TPP2: variants seen among roughly 807,000 people sequenced by gnomAD.
The protein encoded by TPP2 is tripeptidyl-peptidase 2.
A neutral mutation model predicts 155.9 loss-of-function variants in TPP2; 34 were observed. The observed-to-expected ratio is 0.22, with a 90% CI of 0.17 to 0.29. The LOEUF (loss-of-function observed/expected upper bound fraction) is 0.29, where lower values mean the gene tolerates loss of function less well. Among genes scored for constraint, TPP2 ranks in the 10% least tolerant of loss-of-function variants. The pLI is 1.00. For synonymous variants in TPP2, 510 were observed against 529.4 expected, an observed-to-expected ratio of 0.96 and a Z score of 0.50; for missense variants, 1,028 against 1,522.3, an observed-to-expected ratio of 0.68 and a Z score of 5.40.
chr13:102,603,234 A>G (rs1010538609), intron 1 of TPP2, among the ~76,000 whole-genome samples: 5 of 152,226 alleles, frequency 3.3e-5, no homozygotes, highest in African/African-American at 1.2e-4. Flanking sequence ...ACTGCTAGGT[A>G]GTGGGTATAT....
chr13:102,644,948 T>C lies in TPP2; in HGVS notation c.2332T>C (p.Ser778Pro). 2.5e-6 allele frequency: 4 copies of C among 1,614,084 alleles called. No individual in the cohort carries two copies. Among genetic ancestry groups the C allele is most frequent in the Non-Finnish European group, 3.4e-6 (4 of 1,179,944 alleles). The change falls in exon 19 of 30, where the codon TCC becomes CCC. Residue 778 changes from serine to proline, a missense_variant. Ser to Pro is a moderately conservative substitution (Grantham distance 74). Transcript: ENST00000376052. ...AATCAACCGCTTTGATGTTCAGTCC[T>C]CCTTGAAATACGAAGATCTGGCTCC... ...EGINRFDVQS[S>P]LKYEDLAPCI...
chr13:102,609,204 C>G (rs574230737), intron 2 of TPP2, among the ~76,000 whole-genome samples: 39 of 152,094 alleles, frequency 2.6e-4, no homozygotes, highest in African/African-American at 8.7e-4. Context: ...CTATGAAGAA[C>G]TACATGAGAC....
intron 28 of TPP2, among the ~76,000 whole-genome samples, chr13:102,675,132 A>G (rs1209918274): frequency 6.6e-6 from 1 of 152,222 alleles, no homozygotes; most frequent in Non-Finnish European, 1.5e-5. Context: ...CCCCTCGCGT[A>G]TCACAGACCA....
rs1327388622 is a variant in TPP2 at position 102,649,302 on chromosome 13, A to G, written c.2874-106A>G. On this transcript the variant is annotated intron_variant, in intron 22 of 29. Transcript: ENST00000376052. ...TCCTTTGATTTTTGAAGTCTTAGCTATGGGAATGAATTCAGTGTGGAATTG... is the reference window on the plus strand; with the variant it reads ...TCCTTTGATTTTTGAAGTCTTAGCTGTGGGAATGAATTCAGTGTGGAATTG... The G allele has an allele frequency of 2.8e-5, 40 of 1,438,648 alleles. 1 individual carries two copies. In the East Asian group the frequency reaches 6.0e-4, roughly 22 times the overall value. The allele number at this position is 1,438,648 out of a possible 1,614,324, so 89.1% of individuals were successfully genotyped here. A position where few individuals can be genotyped will look rare whatever the true frequency, so the allele number is the denominator to read the frequency against.
intron 4 of TPP2, among the ~76,000 whole-genome samples, chr13:102,617,337 G>A (rs557200315): frequency 6.6e-6 from 1 of 152,248 alleles, no homozygotes; most frequent in East Asian, 1.9e-4. Flanking sequence ...TGTAGTCCTT[G>A]GTTCCCATAT....
chr13:102,640,981 C>T (rs1456886840), intron 16 of TPP2, among the ~76,000 whole-genome samples: 1 of 152,118 alleles, frequency 6.6e-6, no homozygotes, highest in Admixed American at 6.6e-5. Flanking sequence ...TCAGTTTAAA[C>T]AATGCAGCTG....
chr13:102,611,582 G>A (rs553925074), intron 2 of TPP2, among the ~76,000 whole-genome samples: 1 of 152,298 alleles, frequency 6.6e-6, no homozygotes, highest in South Asian at 2.1e-4. Context: ...GGCTGAGACA[G>A]GAGAACACAG....
At chr13:102,667,238 A>G (rs1884669959) in intron 27 of TPP2, among the ~76,000 whole-genome samples, 1 of 152,100 alleles carries the variant, frequency 6.6e-6, no homozygotes. Flanking sequence ...AGTTAATATC[A>G]TGTTTTAGTT....
At chr13:102,626,563 T>G (rs1465444699) in intron 6 of TPP2, among the ~76,000 whole-genome samples, 1 of 152,224 alleles carries the variant, frequency 6.6e-6, no homozygotes, top group Non-Finnish European at 1.5e-5. Context: ...CAGCTTTCAC[T>G]CCAGCCAGCA....
intron 16 of TPP2, among the ~76,000 whole-genome samples, chr13:102,642,015 C>T (rs949886813): frequency 3.9e-5 from 6 of 152,218 alleles, no homozygotes; most frequent in South Asian, 2.1e-4. Context: ...GGCAAGGCCA[C>T]GGGCTTTGGA....
At chr13:102,636,143 A>C in intron 12 of TPP2, 81 bp from the exon 13 acceptor site, 1 of 1,390,796 alleles carries the variant, frequency 7.2e-7, no homozygotes, top group Non-Finnish European at 9.7e-7. Context: ...TTACAACTGA[A>C]ATCAAATTGA....
At chr13:102,663,583 T>C (rs950658426) in intron 25 of TPP2, 65 bp from the exon 26 acceptor site, 5 of 1,131,042 alleles carry the variant, frequency 4.4e-6, no homozygotes, top group Non-Finnish European at 6.1e-6. Flanking sequence ...TGTTAAATAA[T>C]AGAGAAGACA....
Position 102,616,473 on chromosome 13 carries a change from T to C in TPP2, c.468T>C (p.Phe156=), listed in dbSNP as rs1373032321. The C allele has an allele frequency of 6.2e-7, 1 of 1,612,122 alleles. No homozygotes were observed. Among genetic ancestry groups the C allele is most frequent in the Admixed American group, 1.7e-5 (1 of 59,732 alleles). The change falls in exon 4 of 30, where the codon TTT becomes TTC. Residue 156 remains phenylalanine, a synonymous_variant. Coordinates refer to ENST00000376052, the MANE Select transcript of TPP2 (RefSeq NM_001330588.2). The part of the protein sequence containing the change: ...LAEACRKQEE[F]DVANNGSSQA... ...AAGCCTGTAGAAAACAGGAAGAATT[T>C]GATGTTGCCAACAACGGCTCTTCTC...
At chr13:102,632,023 G>A (rs1047157357) in intron 10 of TPP2, among the ~76,000 whole-genome samples, 1 of 152,152 alleles carries the variant, frequency 6.6e-6, no homozygotes, top group African/African-American at 2.4e-5. Context: ...GGAGGCCAAG[G>A]TAGGTGAATC....
At chr13:102,606,062 T>C (rs1263276446) in intron 2 of TPP2, among the ~76,000 whole-genome samples, 1 of 152,196 alleles carries the variant, frequency 6.6e-6, no homozygotes, top group Non-Finnish European at 1.5e-5. Context: ...TAGAAAGGCC[T>C]GGGTAAGCTA....
intron 24 of TPP2, among the ~76,000 whole-genome samples, chr13:102,656,444 T>C (rs765319034): frequency 6.6e-6 from 1 of 152,166 alleles, no homozygotes; most frequent in East Asian, 1.9e-4. Flanking sequence ...GCGTAAGATA[T>C]TACCTCTTCA....
chr13:102,626,656 T>G (rs1881645701), intron 6 of TPP2, among the ~76,000 whole-genome samples: 1 of 152,214 alleles, frequency 6.6e-6, no homozygotes, highest in African/African-American at 2.4e-5. Flanking sequence ...AGAAGCATCT[T>G]TTTGTGGCTT....
chr13:102,612,522 A>G (rs905623635), intron 2 of TPP2, among the ~76,000 whole-genome samples: 59 of 152,226 alleles, frequency 3.9e-4, no homozygotes, highest in African/African-American at 1.2e-3. Flanking sequence ...TAGAAAAAAT[A>G]ACTTTGTTTA....
chr13:102,642,061 A>G (rs888166591), intron 16 of TPP2, among the ~76,000 whole-genome samples: 1 of 152,230 alleles, frequency 6.6e-6, no homozygotes. Context: ...ACACTCTGCC[A>G]TACGCTAATG....
Sources: allele counts gnomAD v4.1 joint callset (sites outside exome capture counted in the v4.1 genomes callset), GRCh38; gene constraint gnomAD v4.1.1; transcripts MANE v1.5; gene names NCBI Gene and HGNC (gene_info 2026-07-23, HGNC 2026-07-21).